The following ANKRD31 variants were observed in gnomAD, a reference collection of about 807,000 sequenced individuals.
The protein encoded by ANKRD31 is ankyrin repeat domain-containing protein 31.
ANKRD31 carries 147 observed loss-of-function variants against 186.0 expected under a neutral mutation model. That is an observed-to-expected ratio of 0.79 (90% CI 0.69 to 0.91). The LOEUF is 0.91. Ranked by LOEUF, ANKRD31 falls within the 40% of genes least tolerant of loss-of-function variation. The pLI is 0.00. For missense variants in ANKRD31, 1,986 were observed against 2,148.8 expected (o/e 0.92, Z 1.50); for synonymous variants, 673 against 736.4 (o/e 0.91, Z 1.39).
chr5:75,209,061 A>C (rs563784829), intron 4 of ANKRD31, among the ~76,000 whole-genome samples: 3 of 152,310 alleles, frequency 2.0e-5, no homozygotes, highest in Non-Finnish European at 4.4e-5. Context: ...TATTACAGCA[A>C]AATTATTTAA....
chr5:75,087,214 A>C (rs1349394999), intron 23 of ANKRD31, among the ~76,000 whole-genome samples: 7 of 152,176 alleles, frequency 4.6e-5, no homozygotes, highest in African/African-American at 1.7e-4. Flanking sequence ...TGACTAATAG[A>C]AATCTGTTCG....
intron 11 of ANKRD31, among the ~76,000 whole-genome samples, chr5:75,158,640 T>A (rs938734964): frequency 1.3e-5 from 2 of 151,954 alleles, no homozygotes; most frequent in Non-Finnish European, 2.9e-5. Flanking sequence ...AATAATTTTT[T>A]AAAAAGCTGG....
At chr5:75,157,529 T>A (rs1752268465) in intron 11 of ANKRD31, among the ~76,000 whole-genome samples, 1 of 152,210 alleles carries the variant, frequency 6.6e-6, no homozygotes, top group Non-Finnish European at 1.5e-5. Context: ...TGGAGATTCC[T>A]GTAAGAAAAG....
intron 22 of ANKRD31, among the ~76,000 whole-genome samples, chr5:75,097,519 G>C (rs945879611): frequency 6.6e-6 from 1 of 152,038 alleles, no homozygotes; most frequent in African/African-American, 2.4e-5. Context: ...ATTTTTTCTT[G>C]TAAATTTGTT....
rs770687711 is a variant in ANKRD31, at chr5:75,147,020, G to GCTAT, written c.2387_2390dup (p.Ser797ArgfsTer2). ...TGGAAACTGAACAAGCCTCAGTACT[G>GCTAT]CTATCTAATCCATTTCTCAGGCTTG... is the stretch of plus-strand genomic sequence containing the variant. On this transcript the variant is annotated stop_gained and frameshift_variant, in exon 14 of 26. Coordinates refer to ENST00000506364, the MANE Select transcript of ANKRD31 (RefSeq NM_001372053.1). LOFTEE classifies it high-confidence loss of function. 5.9e-6 allele frequency: 9 copies of GCTAT among 1,536,372 alleles called. No individual in the cohort carries two copies. Among genetic ancestry groups the GCTAT allele is most frequent in the Non-Finnish European group, 7.9e-6 (9 of 1,146,338 alleles).
At chr5:75,070,769 G>A (rs1019633341) in intron 25 of ANKRD31, among the ~76,000 whole-genome samples, 12 of 152,194 alleles carry the variant, frequency 7.9e-5, no homozygotes, top group Non-Finnish European at 1.8e-4. Flanking sequence ...ATCCATTAAA[G>A]TTCCTAGGAC....
intron 11 of ANKRD31, among the ~76,000 whole-genome samples, chr5:75,160,791 T>C (rs1752523557): frequency 6.6e-6 from 1 of 152,304 alleles, no homozygotes; most frequent in Admixed American, 6.5e-5. Context: ...GGTTTCTCTA[T>C]GAACAGTGTT....
chr5:75,139,779 TG>T (rs923295940), intron 15 of ANKRD31, among the ~76,000 whole-genome samples: 1 of 152,012 alleles, frequency 6.6e-6, no homozygotes, highest in African/African-American at 2.4e-5. Flanking sequence ...ACTCCACACT[TG>T]GGGAAATGAG....
At position 75,147,022 on chromosome 5, in the gene ANKRD31, T is replaced by C. The variant is rs1751493975; in HGVS notation, c.2389A>G (p.Ser797Gly). 3 of 1,536,316 alleles carry C rather than the reference T, an allele frequency of 2.0e-6. No homozygotes were observed. Among genetic ancestry groups the C allele is most frequent in the South Asian group, 2.4e-5 (2 of 84,050 alleles). The part of the protein sequence containing the change: ...TLSSLRNGLD[S>G]STEACSVSKE... ...GAAACTGAACAAGCCTCAGTACTGCTATCTAATCCATTTCTCAGGCTTGAC... is the reference window on the plus strand; with the variant it reads ...GAAACTGAACAAGCCTCAGTACTGCCATCTAATCCATTTCTCAGGCTTGAC... The change falls in exon 14 of 26, where the codon AGC becomes GGC. Residue 797 changes from serine (S) to glycine (G), a missense_variant. Physicochemically the swap from Ser to Gly is moderately conservative, Grantham distance 56. Transcript: ENST00000506364.
intron 10 of ANKRD31, among the ~76,000 whole-genome samples, chr5:75,175,088 A>G (rs963412041): frequency 4.6e-5 from 7 of 152,240 alleles, no homozygotes; most frequent in Admixed American, 4.6e-4. Context: ...AGGGACATGA[A>G]TGAAGCTGGA....
At chr5:75,204,110 C>T (rs1423616280) in intron 5 of ANKRD31, among the ~76,000 whole-genome samples, 2 of 152,116 alleles carry the variant, frequency 1.3e-5, no homozygotes, top group African/African-American at 4.8e-5. Flanking sequence ...ACATTGATAA[C>T]AAACTTAAAT....
At chr5:75,212,350 C>T (rs1162928246) in intron 3 of ANKRD31, among the ~76,000 whole-genome samples, 3 of 152,110 alleles carry the variant, frequency 2.0e-5, no homozygotes, top group Non-Finnish European at 2.9e-5. Context: ...CAGTGGGTCA[C>T]ACCTGTAATC....
chr5:75,170,821 T>C (rs1304128330), intron 10 of ANKRD31, among the ~76,000 whole-genome samples: 1 of 152,080 alleles, frequency 6.6e-6, no homozygotes, highest in Non-Finnish European at 1.5e-5. Flanking sequence ...ATAAGAAGGC[T>C]AGATGTCTAT....
chr5:75,089,893 G>A (rs1032845092), intron 23 of ANKRD31, among the ~76,000 whole-genome samples: 2 of 152,206 alleles, frequency 1.3e-5, no homozygotes, highest in African/African-American at 4.8e-5. Flanking sequence ...TTAGTACAGA[G>A]TAAGGGCCAA....
At chr5:75,130,226 G>A (rs530625951) in intron 17 of ANKRD31, among the ~76,000 whole-genome samples, 3 of 152,248 alleles carry the variant, frequency 2.0e-5, no homozygotes, top group East Asian at 1.9e-4. Context: ...TCGTGGTCTC[G>A]CTGGCTTCAA....
chr5:75,123,124 A>T (rs75154382), intron 17 of ANKRD31, among the ~76,000 whole-genome samples: 1 of 152,174 alleles, frequency 6.6e-6, no homozygotes, highest in African/African-American at 2.4e-5. Flanking sequence ...TCAATATTCA[A>T]AAATGAGTGT....
chr5:75,200,300 T>TC (rs942915888), intron 5 of ANKRD31, among the ~76,000 whole-genome samples: 5 of 151,224 alleles, frequency 3.3e-5, no homozygotes, highest in African/African-American at 4.9e-5. Context: ...TTTCTTTCTT[T>TC]TTTTTTTTTT....
intron 15 of ANKRD31, among the ~76,000 whole-genome samples, chr5:75,142,406 C>G (rs1430925481): frequency 6.6e-5 from 10 of 151,928 alleles, no homozygotes; most frequent in Admixed American, 6.6e-4. Context: ...TGCCTTGTAA[C>G]CCTGCTGCAC....
chr5:75,076,648 T>C (rs552598918), intron 25 of ANKRD31, among the ~76,000 whole-genome samples: 1 of 152,292 alleles, frequency 6.6e-6, no homozygotes, highest in Admixed American at 6.5e-5. Flanking sequence ...CCCTCTCTCC[T>C]CCTGAGAGGT....
Sources: gnomAD v4.1 joint callset for allele counts (sites outside exome capture counted in the v4.1 genomes callset) on GRCh38, gnomAD v4.1.1 for gene constraint, MANE v1.5 for transcripts, NCBI Gene and HGNC (gene_info 2026-07-23, HGNC 2026-07-21) for gene names.